Variants in DLG2 observed in about 807,000 individuals in gnomAD.
DLG2 encodes discs large MAGUK scaffold protein 2.
DLG2 carries 45 observed loss-of-function variants against 132.5 expected under a neutral mutation model. The ratio of observed to expected loss-of-function variants is 0.34; its 90% CI spans 0.27 to 0.44. The LOEUF (loss-of-function observed/expected upper bound fraction) is 0.44. Among genes scored for constraint, DLG2 ranks in the 20% least tolerant of loss-of-function variants. The probability of loss-of-function intolerance (pLI) is 1.00; values close to 1 mark genes in which losing one functional copy is unlikely to be tolerated. For missense variants in DLG2, 1,045 were observed against 1,196.9 expected (o/e 0.87, Z 1.87); for synonymous variants, 424 against 419.6 (o/e 1.01, Z -0.13).
At chr11:83,851,787 G>A (rs1448691323) in intron 16 of DLG2, among the ~76,000 whole-genome samples, 3 of 152,026 alleles carry the variant, frequency 2.0e-5, no homozygotes, top group East Asian at 1.9e-4. Context: ...GGGCATGGTG[G>A]CGGGCACCTG....
intron 18 of DLG2, among the ~76,000 whole-genome samples, chr11:83,736,403 C>T (rs1280926845): frequency 3.3e-5 from 5 of 151,452 alleles, no homozygotes; most frequent in Non-Finnish European, 7.4e-5. Context: ...CAAGTTAGGG[C>T]AACTTTATGC....
intron 6 of DLG2, among the ~76,000 whole-genome samples, chr11:85,035,016 T>C (rs191452817): frequency 7.6e-4 from 116 of 152,286 alleles, no homozygotes; most frequent in Middle Eastern, 3.4e-3. Context: ...TCTTTTGATA[T>C]GATATTTTCT....
At chr11:83,943,077 C>T (rs1213861460) in intron 14 of DLG2, among the ~76,000 whole-genome samples, 1 of 152,140 alleles carries the variant, frequency 6.6e-6, no homozygotes, top group African/African-American at 2.4e-5. Context: ...GCCATCCTTG[C>T]CTTCTGCCAT....
intron 11 of DLG2, among the ~76,000 whole-genome samples, chr11:84,013,049 C>T (rs191936209): frequency 4.6e-5 from 7 of 152,204 alleles, no homozygotes; most frequent in African/African-American, 1.4e-4. Flanking sequence ...GGTAGAACAA[C>T]TACCTTTAGA....
intron 7 of DLG2, among the ~76,000 whole-genome samples, chr11:84,262,902 CAT>C (rs892249852): frequency 2.6e-5 from 4 of 152,012 alleles, no homozygotes; most frequent in African/African-American, 9.7e-5. Context: ...TTAATAGAAA[CAT>C]AAAGTTTTGA....
intron 20 of DLG2, among the ~76,000 whole-genome samples, chr11:83,534,800 G>A (rs1009305680): frequency 3.3e-5 from 5 of 152,100 alleles, no homozygotes; most frequent in East Asian, 1.9e-4. Context: ...AAAATTAACC[G>A]GGTGTGTTGG....
At chr11:84,229,352 G>A (rs2097057662) in intron 8 of DLG2, among the ~76,000 whole-genome samples, 1 of 152,168 alleles carries the variant, frequency 6.6e-6, no homozygotes, top group African/African-American at 2.4e-5. Context: ...CTTTAATGAA[G>A]CGATGATACC....
chr11:84,678,826 T>G (rs535999069), intron 6 of DLG2, among the ~76,000 whole-genome samples: 3 of 152,232 alleles, frequency 2.0e-5, no homozygotes, highest in African/African-American at 7.2e-5. Context: ...CCTGTCCTCA[T>G]AGCCATGTGA....
At chr11:83,470,319 A>G (rs1465546224) in intron 24 of DLG2, among the ~76,000 whole-genome samples, 1 of 152,128 alleles carries the variant, frequency 6.6e-6, no homozygotes, top group African/African-American at 2.4e-5. Flanking sequence ...AAATGCATGC[A>G]TAGAAAGAAT....
intron 11 of DLG2, among the ~76,000 whole-genome samples, chr11:84,037,215 T>A (rs1200030733): frequency 6.6e-6 from 1 of 152,132 alleles, no homozygotes; most frequent in African/African-American, 2.4e-5. Flanking sequence ...TCAATTCTAG[T>A]CTGAATTTAA....
chr11:84,870,558 T>C (rs1486028356), intron 6 of DLG2, among the ~76,000 whole-genome samples: 1 of 152,212 alleles, frequency 6.6e-6, no homozygotes. Context: ...TATTGATCAC[T>C]TCTGAATCAC....
intron 4 of DLG2, among the ~76,000 whole-genome samples, chr11:85,155,054 C>A (rs755154242): frequency 6.6e-6 from 1 of 152,204 alleles, no homozygotes; most frequent in Non-Finnish European, 1.5e-5. Flanking sequence ...CTAGCAGTGG[C>A]ATTGACTGCC....
chr11:85,452,869 G>T, intron 3 of DLG2: 1 of 187,244 alleles, frequency 5.3e-6, no homozygotes, highest in South Asian at 1.3e-4. Flanking sequence ...TCATCTACAA[G>T]AACAATCTGC....
At chr11:84,927,454 C>T (rs921573038) in intron 6 of DLG2, among the ~76,000 whole-genome samples, 3 of 151,974 alleles carry the variant, frequency 2.0e-5, no homozygotes, top group Non-Finnish European at 2.9e-5. Flanking sequence ...TTCTATAGAG[C>T]TCCCCAAGTG....
chr11:84,717,433 T>G (rs2061354362), intron 6 of DLG2, among the ~76,000 whole-genome samples: 2 of 152,074 alleles, frequency 1.3e-5, no homozygotes, highest in African/African-American at 4.8e-5. Flanking sequence ...CCATATCACT[T>G]AAATTTGAGA....
intron 8 of DLG2, among the ~76,000 whole-genome samples, chr11:84,202,830 G>C (rs2096614329): frequency 6.6e-6 from 1 of 152,082 alleles, no homozygotes; most frequent in African/African-American, 2.4e-5. Flanking sequence ...CTCAAAAGAA[G>C]ACATCACGTG....
At chr11:83,903,343 T>G (rs1448497238) in intron 15 of DLG2, among the ~76,000 whole-genome samples, 1 of 152,088 alleles carries the variant, frequency 6.6e-6, no homozygotes, top group Non-Finnish European at 1.5e-5. Flanking sequence ...ATCAGACCCA[T>G]TTTATATCAA....
At chr11:83,860,873 G>A (rs113200202) in intron 16 of DLG2, among the ~76,000 whole-genome samples, 6,810 of 152,194 alleles carry the variant, frequency 0.045, 187 homozygotes, top group Middle Eastern at 0.1. Flanking sequence ...TAGTGAATAA[G>A]TCTCATGAGA....
At chr11:83,645,563 G>T (rs1440981157) in intron 18 of DLG2, among the ~76,000 whole-genome samples, 1 of 152,096 alleles carries the variant, frequency 6.6e-6, no homozygotes, top group African/African-American at 2.4e-5. Flanking sequence ...ATAAAAATCA[G>T]CTAGGAGACA....
Sources: gnomAD v4.1 joint callset for allele counts (sites outside exome capture counted in the v4.1 genomes callset) on GRCh38, gnomAD v4.1.1 for gene constraint, MANE v1.5 for transcripts, NCBI Gene and HGNC (gene_info 2026-07-23, HGNC 2026-07-21) for gene names.